Variants in GPC6 observed in about 807,000 individuals in gnomAD.
GPC6 encodes glypican 6, also known as glypican-6.
GPC6 carries 14 observed loss-of-function variants against 55.2 expected under a neutral mutation model. That is an observed-to-expected ratio of 0.25 (90% CI 0.17 to 0.40). The LOEUF (loss-of-function observed/expected upper bound fraction) is 0.40, where lower values mean the gene tolerates loss of function less well. Among genes scored for constraint, GPC6 ranks in the 10% least tolerant of loss-of-function variants. The probability of loss-of-function intolerance (pLI) is 1.00; values close to 1 mark genes in which losing one functional copy is unlikely to be tolerated. For missense variants in GPC6, 641 were observed against 708.5 expected, an observed-to-expected ratio of 0.90 and a Z score of 1.08; for synonymous variants, 278 against 259.6, an observed-to-expected ratio of 1.07 and a Z score of -0.68.
rs202196621 is a variant in GPC6, at chr13:93,332,261, CTT to C, written c.160+104660_160+104661del. 3.9e-3 allele frequency among the ~76,000 whole-genome samples: 513 copies of C among 129,898 alleles called. 4 individuals are homozygous for C. The highest frequency in any genetic ancestry group is 0.013 in the African/African-American group (471 of 35,754). 85.2% of individuals were successfully genotyped at this position (129,898 alleles called of 152,430 possible). ...TAAATAATATGGTATTTCTGTTTTT[CTT>C]TTTTTTTTTTTTTTGCGAAACCTCT... On this transcript the variant is annotated intron_variant, in intron 1 of 8. Coordinates refer to ENST00000377047, the MANE Select transcript of GPC6 (RefSeq NM_005708.5).
chr13:93,628,416 G>A (rs139712249), intron 2 of GPC6, among the ~76,000 whole-genome samples: 1 of 152,292 alleles, frequency 6.6e-6, no homozygotes, highest in African/African-American at 2.4e-5. Context: ...TGGTAAAGTG[G>A]GCAGGGAGAC....
intron 2 of GPC6, among the ~76,000 whole-genome samples, chr13:93,811,589 A>AT (rs5805827): frequency 0.37 from 54,479 of 148,852 alleles, 10,388 homozygotes; most frequent in African/African-American, 0.48. Flanking sequence ...TGTGGATCGG[A>AT]TTTTTTTTTT....
At chr13:93,900,999 A>T (rs184356594) in intron 3 of GPC6, among the ~76,000 whole-genome samples, 1 of 152,232 alleles carries the variant, frequency 6.6e-6, no homozygotes, top group African/African-American at 2.4e-5. Context: ...ACTCATTCTG[A>T]TCATTTTCTA....
intron 2 of GPC6, among the ~76,000 whole-genome samples, chr13:93,601,846 C>T (rs74108602): frequency 0.042 from 6,348 of 152,344 alleles, 449 homozygotes; most frequent in African/African-American, 0.14. Flanking sequence ...ATGGCAGGAA[C>T]TGCCGAGTAA....
At chr13:93,335,786 C>T (rs991415181) in intron 1 of GPC6, among the ~76,000 whole-genome samples, 2 of 152,170 alleles carry the variant, frequency 1.3e-5, no homozygotes, top group Non-Finnish European at 2.9e-5. Context: ...TTGAATAAGC[C>T]TGCCATTTCC....
rs187950162 is a variant in GPC6, at chr13:93,355,397, C to A, written c.160+127781C>A. ...TCAAAAAGAGGGCAGCTGTATTATTCCAGTCAAGTCAGGAAGGGTTTTTAT... is the reference window on the plus strand; with the variant it reads ...TCAAAAAGAGGGCAGCTGTATTATTACAGTCAAGTCAGGAAGGGTTTTTAT... On this transcript the variant is annotated intron_variant, in intron 1 of 8. Transcript: ENST00000377047. Among the ~76,000 whole-genome samples the A allele has an allele frequency of 7.8e-4, 118 of 152,226 alleles. 1 individual carries two copies. Among genetic ancestry groups the A allele is most frequent in the African/African-American group, 2.7e-3 (114 of 41,526 alleles).
At position 93,371,703 on chromosome 13, in the gene GPC6, G is replaced by C. The variant is rs147118761; in HGVS notation, c.160+144087G>C. Among the ~76,000 whole-genome samples the C allele has an allele frequency of 2.1e-3, 322 of 152,084 alleles. 2 individuals carry two copies. Among genetic ancestry groups the C allele is most frequent in the African/African-American group, 7.0e-3 (289 of 41,482 alleles). On this transcript the variant is annotated intron_variant, in intron 1 of 8. Transcript: ENST00000377047. ...CATTCAGTATCAGGTAAGCAGTAAG[G>C]CTATTAGGGAAACTAAAGCACTAGT... is the stretch of plus-strand genomic sequence containing the variant.
At chr13:94,395,224 A>G (rs1180714930) in intron 7 of GPC6, among the ~76,000 whole-genome samples, 1 of 152,224 alleles carries the variant, frequency 6.6e-6, no homozygotes, top group Non-Finnish European at 1.5e-5. Context: ...AAGTTACATC[A>G]GGAAAACAGT....
At chr13:93,268,807 A>G (rs1308058317) in intron 1 of GPC6, among the ~76,000 whole-genome samples, 1 of 151,954 alleles carries the variant, frequency 6.6e-6, no homozygotes, top group Non-Finnish European at 1.5e-5. Flanking sequence ...TCCACTCCCA[A>G]TCTGCTGACC....
chr13:93,939,108 AAAAT>A (rs528969285), intron 3 of GPC6, among the ~76,000 whole-genome samples: 14 of 151,632 alleles, frequency 9.2e-5, no homozygotes, highest in Non-Finnish European at 1.3e-4. Context: ...AAAAAAATAA[AAAAT>A]AAATAAATAA....
At chr13:94,352,230 G>A (rs1878588448) in intron 6 of GPC6, among the ~76,000 whole-genome samples, 2 of 152,138 alleles carry the variant, frequency 1.3e-5, no homozygotes, top group Admixed American at 1.3e-4. Flanking sequence ...AGAAGGCAGT[G>A]TGGGAACAGG....
At chr13:93,972,514 A>G (rs896458213) in intron 3 of GPC6, among the ~76,000 whole-genome samples, 1 of 152,098 alleles carries the variant, frequency 6.6e-6, no homozygotes, top group Non-Finnish European at 1.5e-5. Flanking sequence ...CACTCCCACC[A>G]TGTAGACTTT....
chr13:93,521,659 G>A (rs761128914), intron 1 of GPC6, among the ~76,000 whole-genome samples: 2 of 151,960 alleles, frequency 1.3e-5, no homozygotes, highest in African/African-American at 2.4e-5. Context: ...AACAGGTTGT[G>A]ACAAATACTA....
intron 2 of GPC6, among the ~76,000 whole-genome samples, chr13:93,547,571 A>G (rs992128923): frequency 1.6e-4 from 25 of 152,198 alleles, no homozygotes; most frequent in Non-Finnish European, 2.8e-4. Context: ...TATGATGTCA[A>G]TCAGTTTGAC....
intron 2 of GPC6, among the ~76,000 whole-genome samples, chr13:93,666,203 A>G (rs1434066680): frequency 2.6e-5 from 4 of 152,186 alleles, no homozygotes; most frequent in Non-Finnish European, 5.9e-5. Context: ...AAAATCTGTG[A>G]GCAAATAAAT....
At chr13:94,239,541 TA>T (rs1890988141) in intron 4 of GPC6, among the ~76,000 whole-genome samples, 1 of 152,206 alleles carries the variant, frequency 6.6e-6, no homozygotes, top group African/African-American at 2.4e-5. Flanking sequence ...AAAACTTTTT[TA>T]AAAAATTTCT....
At chr13:94,344,435 C>G (rs1453798328) in intron 6 of GPC6, among the ~76,000 whole-genome samples, 1 of 152,194 alleles carries the variant, frequency 6.6e-6, no homozygotes, top group Admixed American at 6.5e-5. Context: ...CAGTCTTAGT[C>G]TCACAGGAGG....
chr13:93,488,084 A>C (rs1029578166), intron 1 of GPC6, among the ~76,000 whole-genome samples: 2 of 152,114 alleles, frequency 1.3e-5, no homozygotes, highest in African/African-American at 4.8e-5. Flanking sequence ...CTCGTCATTT[A>C]CATTAGGTAT....
At chr13:94,094,629 A>G (rs1885600885) in intron 4 of GPC6, among the ~76,000 whole-genome samples, 1 of 152,038 alleles carries the variant, frequency 6.6e-6, no homozygotes, top group African/African-American at 2.4e-5. Context: ...TTACAGTAAG[A>G]TGTACTTGTA....
Sources: allele counts gnomAD v4.1 joint callset (sites outside exome capture counted in the v4.1 genomes callset), GRCh38; gene constraint gnomAD v4.1.1; transcripts MANE v1.5; gene names NCBI Gene and HGNC (gene_info 2026-07-23, HGNC 2026-07-21).